The following COX17 variants were observed in gnomAD, a reference collection of about 807,000 sequenced individuals.
COX17 encodes cytochrome c oxidase copper chaperone COX17, also known as cytochrome c oxidase copper chaperone.
COX17 carries 1 observed loss-of-function variant against 6.3 expected under a neutral mutation model. The observed-to-expected ratio is 0.16, with a 90% CI of 0.06 to 0.75. The LOEUF is 0.75. Ranked by LOEUF, COX17 falls within the 30% of genes least tolerant of loss-of-function variation. The pLI, the probability that COX17 is intolerant of heterozygous loss-of-function variation, is 0.77. For missense variants in COX17, 73 were observed against 81.2 expected (o/e 0.90, Z 0.39); for synonymous variants, 26 against 30.5 (o/e 0.85, Z 0.49).
At chr3:119,666,487 A>G (rs112391206), downstream of COX17, among the ~76,000 whole-genome samples, 560 of 152,372 alleles carry the variant, frequency 3.7e-3, 7 homozygotes, top group African/African-American at 0.013. Context: ...CAAAAGCACC[A>G]TAATTGACAT....
Position 119,677,363 on chromosome 3 carries a change from C to G in COX17, c.-53G>C. 7.0e-7 allele frequency: 1 copy of G among 1,433,664 alleles called. No homozygotes were observed. The highest frequency in any genetic ancestry group is 9.7e-7 in the Non-Finnish European group (1 of 1,028,916). The allele number at this position is 1,433,664 out of a possible 1,614,324, so 88.8% of individuals were successfully genotyped here. ...GAGACAGCCAAATCTATGCCAGCCT[C>G]GGCAAACGCCGATTCGTCCGCAGTC... On this transcript the variant is annotated 5_prime_UTR_variant, in exon 1 of 3. Transcript: ENST00000261070.
In COX17 at chr3:119,669,678, A is replaced by G. The variant is rs2053025236; in HGVS notation, c.*5-13T>C. ...CACAGCAGACCACCTACAGAAAAAT[A>G]TTTATTTTAGAAAGTCAGATTTCAA... On this transcript the variant is annotated splice_polypyrimidine_tract_variant and intron_variant, in intron 2 of 2. Coordinates refer to ENST00000261070, the MANE Select transcript of COX17 (RefSeq NM_005694.2). The G allele has an allele frequency of 6.6e-6, 1 of 152,282 alleles. No individual in the cohort carries two copies. Among genetic ancestry groups the G allele is most frequent in the Non-Finnish European group, 1.5e-5 (1 of 68,030 alleles). 9.4% of individuals were successfully genotyped at this position (152,282 alleles called of 1,614,324 possible).
intron 2 of COX17, among the ~76,000 whole-genome samples, chr3:119,671,124 A>T (rs145982701): frequency 9.2e-4 from 140 of 152,332 alleles, no homozygotes; most frequent in African/African-American, 3.2e-3. Context: ...CTTTATGCCT[A>T]GCATTATCCC....
intron 2 of COX17, among the ~76,000 whole-genome samples, chr3:119,673,154 G>C (rs932404102): frequency 6.6e-6 from 1 of 152,138 alleles, no homozygotes; most frequent in Non-Finnish European, 1.5e-5. Context: ...AGAGGGAATC[G>C]GCATGGAGAC....
At chr3:119,674,803 A>AG (rs1345431403) in intron 2 of COX17, 1 of 202,764 alleles carries the variant, frequency 4.9e-6, no homozygotes, top group Non-Finnish European at 1.0e-5. Flanking sequence ...CTCAAAAAAA[A>AG]AAAAAAAAAA....
In COX17 at chr3:119,675,193, C is replaced by T; in HGVS notation, c.148G>A (p.Glu50Lys). The change falls in exon 2 of 3, where the codon GAG becomes AAG. Residue 50 changes from glutamate to lysine, a missense_variant. By Grantham distance (56) the Glu-to-Lys change is moderately conservative (BLOSUM62 1). Transcript: ENST00000261070. ...GCTCTCATGCATTCCTTGTGGGCCT[C>T]AATTAGATGTCCACAGTGTTCTTCT... ...KGEEHCGHLI[E>K]AHKECMRALG... 6.2e-7 allele frequency: 1 copy of T among 1,613,484 alleles called. No homozygotes were observed. Among genetic ancestry groups the T allele is most frequent in the Non-Finnish European group, 8.5e-7 (1 of 1,179,526 alleles).
chr3:119,668,906 C>T (rs928721172), downstream of COX17, among the ~76,000 whole-genome samples: 4 of 152,046 alleles, frequency 2.6e-5, no homozygotes, highest in African/African-American at 9.7e-5. Context: ...TGTTCAACTC[C>T]AGGCATCACC....
chr3:119,676,178 T>G (rs75920846), intron 1 of COX17, among the ~76,000 whole-genome samples: 2,800 of 152,334 alleles, frequency 0.018, 82 homozygotes, highest in African/African-American at 0.06. Flanking sequence ...TGGATTAAGA[T>G]TCAAACCTTG....
At chr3:119,676,109 G>T (rs547334035) in intron 1 of COX17, among the ~76,000 whole-genome samples, 1 of 152,272 alleles carries the variant, frequency 6.6e-6, no homozygotes, top group East Asian at 1.9e-4. Context: ...AATACTGGAG[G>T]GAGTTTCTTT....
chr3:119,665,681 A>C (rs1002840493), downstream of COX17, among the ~76,000 whole-genome samples: 4 of 152,210 alleles, frequency 2.6e-5, no homozygotes, highest in Non-Finnish European at 4.4e-5. Flanking sequence ...GCCAAGACTA[A>C]GTTCTTGAAA....
downstream of COX17, among the ~76,000 whole-genome samples, chr3:119,668,545 C>CT (rs35724558): frequency 9.4e-4 from 134 of 142,140 alleles, 1 homozygote; most frequent in Middle Eastern, 3.6e-3. Flanking sequence ...ACTTCTATAC[C>CT]TTTTTTTTTT....
downstream of COX17, among the ~76,000 whole-genome samples, chr3:119,668,397 T>C (rs146886600): frequency 3.0e-3 from 458 of 152,264 alleles, 2 homozygotes; most frequent in African/African-American, 0.011. Context: ...CATGAAGTGC[T>C]TACTAAAAGT....
At chr3:119,667,720 CACACACACAGAGAG>C (rs1343764509), downstream of COX17, among the ~76,000 whole-genome samples, 50 of 116,614 alleles carry the variant, frequency 4.3e-4, no homozygotes, top group African/African-American at 8.3e-4. Flanking sequence ...CACACACACA[CACACACACAGAGAG>C]AGAGAGACAG....
At chr3:119,672,180 ATT>A (rs1451192583) in intron 2 of COX17, among the ~76,000 whole-genome samples, 2 of 152,198 alleles carry the variant, frequency 1.3e-5, no homozygotes, top group Non-Finnish European at 1.5e-5. Flanking sequence ...TATTGTCTCC[ATT>A]TTACGGATGA....
At chr3:119,673,936 G>A (rs750268598) in intron 2 of COX17, among the ~76,000 whole-genome samples, 2 of 151,466 alleles carry the variant, frequency 1.3e-5, no homozygotes, top group African/African-American at 2.4e-5. Flanking sequence ...ACCTCTGTCC[G>A]GCCACCCCGT....
downstream of COX17, chr3:119,667,100 T>C (rs2052999453): frequency 6.6e-6 from 1 of 152,272 alleles, no homozygotes; most frequent in South Asian, 2.1e-4. Context: ...TCATCAACCT[T>C]CAAGTCAAAC....
rs777438789 is a variant in COX17, at chr3:119,675,249, T to C, written c.108-16A>G. 35 of 1,573,808 alleles carry C rather than the reference T, an allele frequency of 2.2e-5. No homozygotes were observed. In the East Asian group the frequency reaches 3.8e-4, roughly 17 times the overall value. ...CTCGATGATACTATAAAACAAAATG[T>C]ACTTGTTATCTAAATATGCATTAAG... is the stretch of plus-strand genomic sequence containing the variant. On this transcript the variant is annotated splice_polypyrimidine_tract_variant and intron_variant, in intron 1 of 2. Coordinates refer to ENST00000261070, the MANE Select transcript of COX17 (RefSeq NM_005694.2).
chr3:119,674,901 T>A, intron 2 of COX17: 1 of 421,260 alleles, frequency 2.4e-6, no homozygotes, highest in Non-Finnish European at 4.2e-6. Context: ...CCTAAAGCCA[T>A]GGGACCTAAA....
At chr3:119,674,519 G>A (rs528581722) in intron 2 of COX17, 2 of 152,240 alleles carry the variant, frequency 1.3e-5, no homozygotes, top group Admixed American at 1.3e-4. Context: ...TCTTGGCCAG[G>A]CATAGTGGCT....
Sources: allele counts gnomAD v4.1 joint callset (sites outside exome capture counted in the v4.1 genomes callset), GRCh38; gene constraint gnomAD v4.1.1; transcripts MANE v1.5; gene names NCBI Gene and HGNC (gene_info 2026-07-23, HGNC 2026-07-21).